The following CNTN6 variants were observed in gnomAD, a reference collection of about 807,000 sequenced individuals.
CNTN6 encodes the protein contactin-6.
A neutral mutation model predicts 122.8 loss-of-function variants in CNTN6; 137 were observed. The ratio of observed to expected loss-of-function variants is 1.12; its 90% CI spans 0.97 to 1.29. The LOEUF (loss-of-function observed/expected upper bound fraction) is 1.29, where lower values mean the gene tolerates loss of function less well. CNTN6 is among the 50% of genes most tolerant of loss of function. The probability of loss-of-function intolerance (pLI) is 0.00; values close to 1 mark genes in which losing one functional copy is unlikely to be tolerated. For missense variants in CNTN6, 1,634 were observed against 1,223.4 expected, an observed-to-expected ratio of 1.34 and a Z score of -5.01; for synonymous variants, 570 against 426.0, an observed-to-expected ratio of 1.34 and a Z score of -4.16.
At chr3:1,249,114 C>A (rs983343233) in intron 4 of CNTN6, among the ~76,000 whole-genome samples, 2 of 152,022 alleles carry the variant, frequency 1.3e-5, no homozygotes, top group African/African-American at 4.8e-5. Context: ...CAAACAGTCT[C>A]AAAATGAACC....
At chr3:1,351,991 G>C (rs7651808) in intron 11 of CNTN6, among the ~76,000 whole-genome samples, 74,246 of 151,746 alleles carry the variant, frequency 0.49, 20,487 homozygotes, top group African/African-American at 0.74. Context: ...GGAAAATACA[G>C]AGTAAATAGT....
intron 2 of CNTN6, among the ~76,000 whole-genome samples, chr3:1,185,221 T>C (rs991190798): frequency 1.3e-5 from 2 of 152,144 alleles, no homozygotes; most frequent in African/African-American, 4.8e-5. Flanking sequence ...AAATTCCTTC[T>C]CCTTAAAAGT....
At chr3:1,124,654 TA>T (rs1179128003) in intron 1 of CNTN6, among the ~76,000 whole-genome samples, 1 of 151,310 alleles carries the variant, frequency 6.6e-6, no homozygotes, top group Non-Finnish European at 1.5e-5. Context: ...CTTATACATG[TA>T]ACAAAAAACC....
At chr3:1,336,126 TA>T (rs11319985) in intron 11 of CNTN6, among the ~76,000 whole-genome samples, 73,202 of 150,806 alleles carry the variant, frequency 0.49, 18,952 homozygotes, top group Non-Finnish European at 0.58. Flanking sequence ...TCATTTTCCT[TA>T]AAAAAAAAGC....
chr3:1,124,042 TGGC>T (rs1488752743), intron 1 of CNTN6, among the ~76,000 whole-genome samples: 4 of 151,966 alleles, frequency 2.6e-5, no homozygotes, highest in African/African-American at 9.7e-5. Flanking sequence ...AAATCCCGAT[TGGC>T]CATAATGTAT....
intron 7 of CNTN6, among the ~76,000 whole-genome samples, chr3:1,309,266 T>C (rs919073682): frequency 6.6e-6 from 1 of 152,210 alleles, no homozygotes; most frequent in African/African-American, 2.4e-5. Flanking sequence ...TATAGCTTTA[T>C]GTTTTGCATT....
intron 7 of CNTN6, among the ~76,000 whole-genome samples, chr3:1,303,014 C>T (rs1015322182): frequency 1.3e-5 from 2 of 152,052 alleles, no homozygotes; most frequent in Non-Finnish European, 2.9e-5. Context: ...TTACTTCCCC[C>T]CTTAGCTATG....
intron 20 of CNTN6, among the ~76,000 whole-genome samples, chr3:1,398,320 A>T (rs996432287): frequency 8.5e-5 from 13 of 152,160 alleles, no homozygotes; most frequent in Non-Finnish European, 1.3e-4. Flanking sequence ...TCAGACATAA[A>T]GGATTGACAC....
At chr3:1,105,230 T>C (rs2091161204) in intron 1 of CNTN6, among the ~76,000 whole-genome samples, 1 of 152,136 alleles carries the variant, frequency 6.6e-6, no homozygotes, top group African/African-American at 2.4e-5. Flanking sequence ...AATACACAGA[T>C]AACAGTATTT....
intron 2 of CNTN6, among the ~76,000 whole-genome samples, chr3:1,148,560 C>T (rs1157269577): frequency 1.3e-5 from 2 of 151,892 alleles, no homozygotes; most frequent in African/African-American, 4.8e-5. Flanking sequence ...CTAGAAATAA[C>T]CTTAGATATA....
chr3:1,309,002 T>G (rs1698812396), intron 7 of CNTN6, among the ~76,000 whole-genome samples: 1 of 152,200 alleles, frequency 6.6e-6, no homozygotes, highest in Admixed American at 6.6e-5. Context: ...ATTGATGAGC[T>G]TTAAGAATTC....
At chr3:1,342,148 G>T (rs1703980105) in intron 11 of CNTN6, among the ~76,000 whole-genome samples, 3 of 152,206 alleles carry the variant, frequency 2.0e-5, no homozygotes, top group Admixed American at 1.3e-4. Flanking sequence ...TTGTTTGTTT[G>T]TGGTGGAGTC....
intron 2 of CNTN6, among the ~76,000 whole-genome samples, chr3:1,155,978 A>G (rs962479651): frequency 2.0e-5 from 3 of 152,224 alleles, no homozygotes; most frequent in African/African-American, 7.2e-5. Context: ...ATAAAGTTCA[A>G]ACTGTCTAAT....
At chr3:1,199,363 A>G (rs1445079115) in intron 2 of CNTN6, among the ~76,000 whole-genome samples, 3 of 151,644 alleles carry the variant, frequency 2.0e-5, no homozygotes, top group African/African-American at 7.3e-5. Context: ...TAATTTTTAT[A>G]GAGACAGGGT....
intron 8 of CNTN6, among the ~76,000 whole-genome samples, chr3:1,323,553 CTG>C (rs1281431464): frequency 1.3e-5 from 2 of 151,714 alleles, no homozygotes; most frequent in African/African-American, 4.8e-5. Context: ...TGAATAATAA[CTG>C]AGAAATTCAA....
chr3:1,158,465 T>A (rs1045926565), intron 2 of CNTN6, among the ~76,000 whole-genome samples: 9 of 152,170 alleles, frequency 5.9e-5, no homozygotes, highest in Admixed American at 1.3e-4. Context: ...TACAAATACT[T>A]CCTTCCATTC....
At chr3:1,395,355 T>C (rs1351093821) in intron 20 of CNTN6, among the ~76,000 whole-genome samples, 6 of 152,196 alleles carry the variant, frequency 3.9e-5, no homozygotes, top group Admixed American at 3.3e-4. Context: ...GAAATCCAGA[T>C]GTGCTCAAGG....
chr3:1,387,728 G>C (rs1693269424), intron 20 of CNTN6, among the ~76,000 whole-genome samples: 1 of 152,176 alleles, frequency 6.6e-6, no homozygotes, highest in Non-Finnish European at 1.5e-5. Context: ...GCCGAAGCAG[G>C]GCGAGGCATT....
rs1180112538 is a variant in CNTN6, at chr3:1,245,217, T to TAAC, written c.358+17225_358+17226insACA. Among the ~76,000 whole-genome samples, 17 of 23,830 alleles carry TAAC rather than the reference T, an allele frequency of 7.1e-4. 2 individuals are homozygous for TAAC. The highest frequency in any genetic ancestry group is 2.8e-3 in the African/African-American group (9 of 3,158). The allele number at this position is 23,830 out of a possible 152,430, so 15.6% of individuals were successfully genotyped here. A position where few individuals can be genotyped will look rare whatever the true frequency, so the allele number is the denominator to read the frequency against. On this transcript the variant is annotated intron_variant, in intron 4 of 22. Transcript: ENST00000446702. Reference sequence around the variant, plus strand: ...AATGTGATATATATATATATATATATATATATATATATATATATACACACA... The same window carrying TAAC: ...AATGTGATATATATATATATATATATAACATATATATATATATATATACACACA...
Sources: allele counts gnomAD v4.1 joint callset (sites outside exome capture counted in the v4.1 genomes callset), GRCh38; gene constraint gnomAD v4.1.1; transcripts MANE v1.5; gene names NCBI Gene and HGNC (gene_info 2026-07-23, HGNC 2026-07-21).